The following SLC35F3 variants were observed in gnomAD, a reference collection of about 807,000 sequenced individuals.
SLC35F3 encodes putative thiamine transporter SLC35F3.
A neutral mutation model predicts 49.9 loss-of-function variants in SLC35F3; 25 were observed. The observed-to-expected ratio is 0.50, with a 90% CI of 0.37 to 0.70. The LOEUF is 0.70. Among genes scored for constraint, SLC35F3 ranks in the 30% least tolerant of loss-of-function variants. The pLI is 0.00. For missense variants in SLC35F3, 525 were observed against 639.8 expected (o/e 0.82, Z 1.94); for synonymous variants, 275 against 265.4 (o/e 1.04, Z -0.35).
At chr1:234,180,786 A>C (rs1484936641) in intron 2 of SLC35F3, among the ~76,000 whole-genome samples, 2 of 152,250 alleles carry the variant, frequency 1.3e-5, no homozygotes, top group Non-Finnish European at 2.9e-5. Flanking sequence ...GGGAAGATAC[A>C]GGAGATTCCT....
chr1:233,990,614 T>TCTCGCCATA (rs56994064), intron 2 of SLC35F3, among the ~76,000 whole-genome samples: 15,578 of 152,004 alleles, frequency 0.1, 1,261 homozygotes, highest in East Asian at 0.26. Context: ...TCTTAGGTAT[T>TCTCGCCATA]CTCGCCATAC....
chr1:234,081,923 T>C (rs1027736578), intron 2 of SLC35F3, among the ~76,000 whole-genome samples: 1 of 129,254 alleles, frequency 7.7e-6, no homozygotes, highest in Non-Finnish European at 1.6e-5. Flanking sequence ...TTTTTTTTTT[T>C]TTTTTTTTTT....
intron 2 of SLC35F3, among the ~76,000 whole-genome samples, chr1:234,221,725 A>G (rs1036218552): frequency 1.3e-5 from 2 of 152,192 alleles, no homozygotes; most frequent in African/African-American, 4.8e-5. Flanking sequence ...AGGGAAGAAC[A>G]CTGGATGAGG....
At chr1:234,265,800 C>T (rs1050429408) in intron 3 of SLC35F3, among the ~76,000 whole-genome samples, 1 of 152,154 alleles carries the variant, frequency 6.6e-6, no homozygotes, top group South Asian at 2.1e-4. Context: ...CTATGTACCC[C>T]ACATGATGGA....
chr1:234,284,171 T>C (rs1668374051), intron 3 of SLC35F3, among the ~76,000 whole-genome samples: 1 of 152,134 alleles, frequency 6.6e-6, no homozygotes, highest in Non-Finnish European at 1.5e-5. Flanking sequence ...TCCCAAAGTG[T>C]TGGGATTATA....
At chr1:234,141,957 T>A (rs1216152740) in intron 2 of SLC35F3, among the ~76,000 whole-genome samples, 1 of 152,236 alleles carries the variant, frequency 6.6e-6, no homozygotes, top group Non-Finnish European at 1.5e-5. Flanking sequence ...CACTGTATTG[T>A]AATTATCCTT....
chr1:233,905,262 G>A, intron 1 of SLC35F3, 132 bp downstream of exon 1: 5 of 1,018,074 alleles, frequency 4.9e-6, no homozygotes, highest in Non-Finnish European at 5.8e-6. Context: ...GGAGCTGCTC[G>A]GGAAGTTTCA....
At chr1:234,235,161 C>T (rs1667444974) in intron 3 of SLC35F3, among the ~76,000 whole-genome samples, 1 of 152,240 alleles carries the variant, frequency 6.6e-6, no homozygotes, top group African/African-American at 2.4e-5. Context: ...GCAAACCTCT[C>T]AGCCTAACTC....
chr1:234,090,935 C>T (rs1665033715), intron 2 of SLC35F3, among the ~76,000 whole-genome samples: 1 of 152,174 alleles, frequency 6.6e-6, no homozygotes, highest in South Asian at 2.1e-4. Flanking sequence ...CTGGTTAGCC[C>T]TCCGTTTCAA....
At chr1:234,032,526 G>A (rs966772609) in intron 2 of SLC35F3, among the ~76,000 whole-genome samples, 8 of 151,900 alleles carry the variant, frequency 5.3e-5, no homozygotes, top group South Asian at 2.1e-4. Flanking sequence ...ACTTCCCCCC[G>A]ATCCCCAAAG....
chr1:234,146,057 T>C (rs1166536937), intron 2 of SLC35F3, among the ~76,000 whole-genome samples: 1 of 152,186 alleles, frequency 6.6e-6, no homozygotes, highest in Non-Finnish European at 1.5e-5. Context: ...GTGGATCTTT[T>C]TTTCTTCTTT....
intron 2 of SLC35F3, among the ~76,000 whole-genome samples, chr1:234,076,884 G>A (rs982798692): frequency 2.6e-5 from 4 of 152,162 alleles, no homozygotes; most frequent in Non-Finnish European, 4.4e-5. Flanking sequence ...ATGCAGAGTT[G>A]CCAGTGAGTT....
intron 2 of SLC35F3, among the ~76,000 whole-genome samples, chr1:234,002,191 A>G (rs1436792303): frequency 2.0e-5 from 3 of 152,250 alleles, no homozygotes; most frequent in East Asian, 3.8e-4. Flanking sequence ...CTATATATCC[A>G]GTACCCAGTT....
At position 234,155,180 on chromosome 1, in the gene SLC35F3, G is replaced by A. The variant is rs369646347; in HGVS notation, c.284-76237G>A. Among the ~76,000 whole-genome samples the A allele has an allele frequency of 2.0e-5, 3 of 152,120 alleles. 1 individual carries two copies. Among genetic ancestry groups the A allele is most frequent in the Admixed American group, 6.5e-5 (1 of 15,284 alleles). On this transcript the variant is annotated intron_variant, in intron 2 of 7. Transcript: ENST00000366618. ...TCCGTAGTTGGTTGAATCTGTGTAT[G>A]CAAACTCGTGGATACAGAGGGCTGA...
At chr1:234,006,460 C>A (rs182007987) in intron 2 of SLC35F3, among the ~76,000 whole-genome samples, 4 of 150,368 alleles carry the variant, frequency 2.7e-5, no homozygotes, top group Non-Finnish European at 4.4e-5. Flanking sequence ...ACTGTGCAGA[C>A]CCCTTTTAAC....
chr1:233,911,372 A>T (rs553447509), intron 2 of SLC35F3, among the ~76,000 whole-genome samples: 1 of 152,326 alleles, frequency 6.6e-6, no homozygotes, highest in South Asian at 2.1e-4. Flanking sequence ...GGAGCTTGGC[A>T]TATGAAATAT....
At chr1:233,944,378 A>G (rs1278491188) in intron 2 of SLC35F3, among the ~76,000 whole-genome samples, 4 of 152,222 alleles carry the variant, frequency 2.6e-5, no homozygotes, top group African/African-American at 9.6e-5. Context: ...TAAGGCTGTC[A>G]GTACCAGTTT....
At chr1:234,235,133 A>G (rs604055) in intron 3 of SLC35F3, among the ~76,000 whole-genome samples, 112,257 of 152,148 alleles carry the variant, frequency 0.74, 42,914 homozygotes, top group African/African-American at 0.9. Context: ...ACTGTTGTCA[A>G]GAATTAGATG....
chr1:234,065,954 A>C (rs12121915), intron 2 of SLC35F3, among the ~76,000 whole-genome samples: 19,989 of 152,200 alleles, frequency 0.13, 1,613 homozygotes, highest in Non-Finnish European at 0.19. Context: ...AGGTCAGTGA[A>C]TGACTTGAGG....
Sources: allele counts gnomAD v4.1 joint callset (sites outside exome capture counted in the v4.1 genomes callset), GRCh38; gene constraint gnomAD v4.1.1; transcripts MANE v1.5; gene names NCBI Gene and HGNC (gene_info 2026-07-23, HGNC 2026-07-21).